The following SZT2 variants were observed in gnomAD, a reference collection of about 807,000 sequenced individuals.
SZT2 encodes SZT2 subunit of KICSTOR complex.
Under a neutral mutation model 404.2 loss-of-function variants are expected in SZT2, and 216 were observed. The ratio of observed to expected loss-of-function variants is 0.53; its 90% CI spans 0.48 to 0.60. The LOEUF is 0.60. SZT2 is among the 20% of genes least tolerant of loss of function. SZT2 has a pLI of 0.00. For synonymous variants in SZT2, 1,693 were observed against 1,749.9 expected (o/e 0.97, Z 0.81); for missense variants, 3,857 against 4,459.2 (o/e 0.86, Z 3.85).
chr1:43,404,472 A>C lies in SZT2; in HGVS notation c.420A>C (p.Gly140=), dbSNP rs1256950858. The C allele has an allele frequency of 6.2e-7, 1 of 1,613,934 alleles. No individual in the cohort carries two copies. ...TGCTTCGGCCCTTCCGAGTGCCTGG[A>C]TCTTGCATCGACTTCCAGCCTGAGA... ...GGLLRPFRVP[G]SCIDFQPEIY... The change falls in exon 4 of 72, where the codon GGA becomes GGC. Residue 140 remains glycine, a synonymous_variant. Transcript: ENST00000634258.
chr1:43,429,986 A>C, intron 29 of SZT2, 25 bp from the exon 30 acceptor site: 1 of 1,613,768 alleles, frequency 6.2e-7, no homozygotes, highest in Admixed American at 1.7e-5. Flanking sequence ...CTGACATTCT[A>C]ACCTCCTTCT....
chr1:43,396,638 T>G (rs967949469), intron 1 of SZT2, among the ~76,000 whole-genome samples: 2 of 152,378 alleles, frequency 1.3e-5, no homozygotes, highest in South Asian at 4.1e-4. Context: ...ACAAGGTGCT[T>G]TCACACATCA....
intron 1 of SZT2, among the ~76,000 whole-genome samples, chr1:43,392,083 C>CAAAAAAAA (rs57476239): frequency 1.8e-3 from 6 of 3,378 alleles, no homozygotes; most frequent in Non-Finnish European, 1.9e-3. Context: ...GACTCCGTCT[C>CAAAAAAAA]AAAAAAAAAA....
intron 4 of SZT2, 45 bp from the exon 5 acceptor site, chr1:43,415,037 G>A (rs1484423914): frequency 3.8e-6 from 6 of 1,587,204 alleles, no homozygotes; most frequent in Admixed American, 1.7e-5. Flanking sequence ...AGTGGTCTGT[G>A]CCACCCTGAC....
chr1:43,443,824 T>TC (rs775193425), intron 62 of SZT2, 28 bp downstream of exon 62: 1 of 1,612,064 alleles, frequency 6.2e-7, no homozygotes, highest in South Asian at 1.1e-5. Flanking sequence ...TTCCCTTCTG[T>TC]CTTCTCCTCC....
chr1:43,452,675 C>G lies in SZT2; in HGVS notation c.*2195C>G. 1 of 603,690 alleles carries G rather than the reference C, an allele frequency of 1.7e-6. No individual in the cohort carries two copies. 37.4% of individuals were successfully genotyped at this position (603,690 alleles called of 1,614,324 possible). On this transcript the variant is annotated 3_prime_UTR_variant, in exon 72 of 72. Coordinates refer to ENST00000634258, the MANE Select transcript of SZT2 (RefSeq NM_001365999.1). The stretch of plus-strand genomic sequence containing the variant: ...TATTCCATGCTGCTGTCTCTACTTC[C>G]TCTCCTCGCATCTACTTAGCCTTTT...
At chr1:43,400,345 C>T (rs1189631578) in intron 1 of SZT2, among the ~76,000 whole-genome samples, 1 of 152,208 alleles carries the variant, frequency 6.6e-6, no homozygotes, top group Non-Finnish European at 1.5e-5. Context: ...AACATCCTTT[C>T]TGCTCATTAC....
rs1170376629 is a variant in SZT2, at chr1:43,422,190, C to A, written c.1734C>A (p.His578Gln). The A allele has an allele frequency of 1.2e-5, 19 of 1,595,594 alleles. No homozygotes were observed. The highest frequency in any genetic ancestry group is 1.6e-5 in the Non-Finnish European group (19 of 1,178,080). The change falls in exon 12 of 72, where the codon CAC (histidine) becomes CAA (glutamine). Residue 578 changes from histidine to glutamine, a missense_variant. Transcript: ENST00000634258. ...CAAATTCCTGGCAGCGATGGCTGCA[C>A]ATGCATCGCCTGGTGCTAATCCTGG... ...MDANSWQRWL[H>Q]MHRLVLILEH...
rs773642457 is a variant in SZT2 at position 43,442,290 on chromosome 1, C to T, written c.7896C>T (p.Phe2632=). ...TQQAAKAMQR[F]EPGGDGSSGR... is the part of the protein sequence containing the mutation. ...TAGCTGCCAAAGCCATGCAGCGCTT[C>T]GAGCCAGGAGGTGATGGGAGCTCAG... Residue 2632 remains phenylalanine, a synonymous_variant, in exon 57 of 72, where the codon TTC becomes TTT. Coordinates refer to ENST00000634258, the MANE Select transcript of SZT2 (RefSeq NM_001365999.1). This position sits in a 1 kb window ranked among gnomAD's most constrained non-coding sequence, Gnocchi z 4.5. 15 of 1,613,784 alleles carry T rather than the reference C, an allele frequency of 9.3e-6. No homozygotes were observed. The highest frequency in any genetic ancestry group is 5.0e-5 in the Admixed American group (3 of 59,972).
rs1278980697 is a variant in SZT2 at position 43,419,832 on chromosome 1, C to T, written c.978C>T (p.Ser326=). Residue 326 remains serine (S), a synonymous_variant, in exon 8 of 72, where the codon TCC becomes TCT. Coordinates refer to ENST00000634258, the MANE Select transcript of SZT2 (RefSeq NM_001365999.1). ...TGGCAACATTTGGGTCCTACCTGTC[C>T]ACTTGTCCTGAGCCGGAGCCAGGCA... ...IAMATFGSYL[S]TCPEPEPGNL... 1 of 1,598,476 alleles carries T rather than the reference C, an allele frequency of 6.3e-7. No homozygotes were observed. Among genetic ancestry groups the T allele is most frequent in the Non-Finnish European group, 8.5e-7 (1 of 1,179,806 alleles).
rs1373358863 is a variant in SZT2, at chr1:43,423,631, C to T, written c.2255+315C>T. On this transcript the variant is annotated intron_variant, in intron 15 of 71. Coordinates refer to ENST00000634258, the MANE Select transcript of SZT2 (RefSeq NM_001365999.1). The stretch of plus-strand genomic sequence containing the variant: ...GAGGTGTGGAGGGCATGGCTTAGCC[C>T]GGTGTGAGTAGTATAGAGGTGTGGA... Among the ~76,000 whole-genome samples, 20 of 110,942 alleles carry T rather than the reference C, an allele frequency of 1.8e-4. 1 individual carries two copies. The highest frequency in any genetic ancestry group is 1.5e-3 in the Admixed American group (15 of 10,074). 72.8% of individuals were successfully genotyped at this position (110,942 alleles called of 152,430 possible).
intron 65 of SZT2, 28 bp downstream of exon 65, chr1:43,446,444 A>G (rs772101925): frequency 2.5e-6 from 4 of 1,613,630 alleles, no homozygotes; most frequent in East Asian, 4.5e-5. Context: ...GGGCACAGTC[A>G]GTGCACCCCA....
rs776912460 is a variant in SZT2 at position 43,433,130 on chromosome 1, C to G, written c.5744C>G (p.Pro1915Arg). 60 of 1,614,082 alleles carry G rather than the reference C, an allele frequency of 3.7e-5. No individual in the cohort carries two copies. Among genetic ancestry groups the G allele is most frequent in the Non-Finnish European group, 4.6e-5 (54 of 1,180,046 alleles). Residue 1915 changes from proline (P) to arginine (R), a missense_variant, in exon 40 of 72, where the codon CCT (proline) becomes CGT (arginine). Physicochemically the swap from Pro to Arg is moderately radical, Grantham distance 103 (BLOSUM62 -2). Coordinates refer to ENST00000634258, the MANE Select transcript of SZT2 (RefSeq NM_001365999.1). Reference protein sequence around the residue: ...SLSGLPGPCLPDFWLIVRVLQ... With the variant: ...SLSGLPGPCLRDFWLIVRVLQ... ...TCAGGCCTCCCTGGGCCCTGCCTGC[C>G]TGACTTCTGGCTCATTGTCCGGGTC...
At position 43,453,982 on chromosome 1, in the gene SZT2, G is replaced by A. The variant is rs1215275857; in HGVS notation, c.*3502G>A. On this transcript the variant is annotated 3_prime_UTR_variant, in exon 72 of 72. Transcript: ENST00000634258. The stretch of plus-strand genomic sequence containing the variant: ...AAAAGCGCCTACGGTTAGCGAGAGA[G>A]GGATCACGGGGAGAGGCGAAGGGGC... The A allele has an allele frequency of 2.5e-6, 3 of 1,187,390 alleles. No homozygotes were observed. Among genetic ancestry groups the A allele is most frequent in the Non-Finnish European group, 3.1e-6 (3 of 959,632 alleles). The allele number at this position is 1,187,390 out of a possible 1,614,324, so 73.6% of individuals were successfully genotyped here.
In SZT2 at chr1:43,442,530, G is replaced by A. The variant is rs757580133; in HGVS notation, c.8063G>A (p.Arg2688Gln). ...LVRLVQWQNA[R>Q]AHLIFCLLSQ... ...CGCCTGGTGCAGTGGCAGAATGCACGAGCCCATCTCATCTTCTGCCTACTC... is the reference window on the plus strand; with the variant it reads ...CGCCTGGTGCAGTGGCAGAATGCACAAGCCCATCTCATCTTCTGCCTACTC... Residue 2688 changes from arginine (R) to glutamine (Q), a missense_variant, in exon 58 of 72, where the codon CGA becomes CAA. Physicochemically the swap from Arg to Gln is conservative, Grantham distance 43 (BLOSUM62 1). Transcript: ENST00000634258. This position sits in a 1 kb window ranked among gnomAD's most constrained non-coding sequence, Gnocchi z 4.5. 2 of 1,614,102 alleles carry A rather than the reference G, an allele frequency of 1.2e-6. No individual in the cohort carries two copies. The highest frequency in any genetic ancestry group is 1.1e-5 in the South Asian group (1 of 91,074).
chr1:43,408,421 CCTGA>C (rs781633502), intron 4 of SZT2, among the ~76,000 whole-genome samples: 1 of 152,038 alleles, frequency 6.6e-6, no homozygotes, highest in Non-Finnish European at 1.5e-5. Flanking sequence ...TGCCACCATA[CCTGA>C]CTAATTGTTT....
Position 43,420,086 on chromosome 1 carries a change from T to A in SZT2, c.1091-67T>A. On this transcript the variant is annotated intron_variant, in intron 8 of 71. Coordinates refer to ENST00000634258, the MANE Select transcript of SZT2 (RefSeq NM_001365999.1). The surrounding 1 kb of genome is among the most constrained non-coding windows in gnomAD (Gnocchi z 5.1). The stretch of plus-strand genomic sequence containing the variant: ...TCACAGTCATTTCAGCATAGCCCCT[T>A]CCCCCTACAGATCTGTCAGTTGGCA... 6.3e-7 allele frequency: 1 copy of A among 1,579,340 alleles called. No individual in the cohort carries two copies. Among genetic ancestry groups the A allele is most frequent in the Non-Finnish European group, 8.6e-7 (1 of 1,167,608 alleles).
chr1:43,453,033 G>C lies in SZT2; in HGVS notation c.*2553G>C, dbSNP rs767848197. On this transcript the variant is annotated 3_prime_UTR_variant, in exon 72 of 72. Coordinates refer to ENST00000634258, the MANE Select transcript of SZT2 (RefSeq NM_001365999.1). ...GAAGACAGTCCAAGCATCACTACCT[G>C]TAAGCAGCTTTCTCTGATCCAGACA... 2.2e-6 allele frequency: 3 copies of C among 1,363,870 alleles called. No homozygotes were observed. Among genetic ancestry groups the C allele is most frequent in the East Asian group, 2.4e-5 (1 of 42,540 alleles). 84.5% of individuals were successfully genotyped at this position (1,363,870 alleles called of 1,614,324 possible). A position where few individuals can be genotyped will look rare whatever the true frequency, so the allele number is the denominator to read the frequency against.
chr1:43,441,929 C>G lies in SZT2; in HGVS notation c.7743-71C>G. The stretch of plus-strand genomic sequence containing the variant: ...GAGCTAGGAGAGGTGGAAACAAGGC[C>G]CAGGGAGGTGAAGGCTAGGCCAGGG... On this transcript the variant is annotated intron_variant, in intron 55 of 71. Transcript: ENST00000634258. This position sits in a 1 kb window ranked among gnomAD's most constrained non-coding sequence, Gnocchi z 4.8. 1.9e-6 allele frequency: 3 copies of G among 1,592,150 alleles called. No individual in the cohort carries two copies. Among genetic ancestry groups the G allele is most frequent in the Non-Finnish European group, 2.6e-6 (3 of 1,166,436 alleles).
Sources: gnomAD v4.1 joint callset for allele counts (sites outside exome capture counted in the v4.1 genomes callset) on GRCh38, gnomAD v4.1.1 for gene constraint, Gnocchi (gnomAD v3.1) non-coding constraint, MANE v1.5 for transcripts, NCBI Gene and HGNC (gene_info 2026-07-23, HGNC 2026-07-21) for gene names.